The following RPS29 variants were observed in gnomAD, a reference collection of about 807,000 sequenced individuals.
RPS29 encodes ribosomal protein S29, also known as small ribosomal subunit protein uS14.
For missense variants in RPS29, 60 were observed against 75.7 expected, an observed-to-expected ratio of 0.79 and a Z score of 0.77; for synonymous variants, 37 against 26.9, an observed-to-expected ratio of 1.37 and a Z score of -1.16.
At chr14:49,581,996 G>A (rs1881349243), downstream of RPS29, among the ~76,000 whole-genome samples, 1 of 114,226 alleles carries the variant, frequency 8.8e-6, no homozygotes. Flanking sequence ...GGGTGATAGA[G>A]CAAGACCCTG....
At chr14:49,581,064 G>A (rs894854734), downstream of RPS29, among the ~76,000 whole-genome samples, 1 of 151,890 alleles carries the variant, frequency 6.6e-6, no homozygotes, top group Non-Finnish European at 1.5e-5. Context: ...GCGCATGCCT[G>A]TAATCCCAGC....
chr14:49,581,573 C>T (rs565590230), downstream of RPS29, among the ~76,000 whole-genome samples: 3 of 152,166 alleles, frequency 2.0e-5, no homozygotes, highest in East Asian at 1.9e-4. Flanking sequence ...AGTAGCTAGG[C>T]GTGCACAACC....
chr14:49,596,499 C>T (rs1433037166), intron 1 of RPS29, among the ~76,000 whole-genome samples: 1 of 152,064 alleles, frequency 6.6e-6, no homozygotes, highest in African/African-American at 2.4e-5. Flanking sequence ...GTGTCACATC[C>T]AAGTATTTAA....
intron 1 of RPS29, 49 bp downstream of exon 1, chr14:49,586,236 C>T: frequency 6.3e-7 from 1 of 1,582,384 alleles, no homozygotes; most frequent in Non-Finnish European, 8.7e-7. Context: ...TTTTAAGCAG[C>T]CTAGCGCTCC....
chr14:49,591,549 T>G (rs1341154409), intron 1 of RPS29, among the ~76,000 whole-genome samples: 1 of 151,494 alleles, frequency 6.6e-6, no homozygotes, highest in Non-Finnish European at 1.5e-5. Flanking sequence ...TGACCTCAGG[T>G]AATCCACCCG....
rs1804416 is a variant in RPS29, at chr14:49,583,637, G to T, written c.*30C>A. 6.3e-7 allele frequency: 1 copy of T among 1,578,986 alleles called. No homozygotes were observed. Among genetic ancestry groups the T allele is most frequent in the South Asian group, 1.2e-5 (1 of 84,978 alleles). On this transcript the variant is annotated 3_prime_UTR_variant, in exon 3 of 3. Transcript: ENST00000245458. ...TATCATGGTTTTTCATTGAGTAGAT[G>T]CCCCGGATAATCCTCTGAAGGAAGA... is the stretch of plus-strand genomic sequence containing the variant.
intron 1 of RPS29, chr14:49,597,668 T>TTG (rs933687294): frequency 3.3e-5 from 5 of 151,862 alleles, no homozygotes; most frequent in Admixed American, 2.6e-4. Flanking sequence ...TCTTTTTTTT[T>TTG]TTTGAGACGG....
At chr14:49,579,855 C>A (rs538135230), downstream of RPS29, among the ~76,000 whole-genome samples, 4 of 152,222 alleles carry the variant, frequency 2.6e-5, no homozygotes, top group Non-Finnish European at 4.4e-5. Context: ...TGATTTCAGA[C>A]AGACCCAGTT....
chr14:49,588,863 C>A (rs1448692837), upstream of RPS29, among the ~76,000 whole-genome samples: 1 of 136,154 alleles, frequency 7.3e-6, no homozygotes, highest in Non-Finnish European at 1.6e-5. Context: ...AGTCTTCTTA[C>A]AGTTTCTGAG....
At chr14:49,587,774 G>A (rs1008719043), upstream of RPS29, among the ~76,000 whole-genome samples, 4 of 152,166 alleles carry the variant, frequency 2.6e-5, no homozygotes, top group African/African-American at 9.7e-5. Flanking sequence ...AGTACGAAAG[G>A]AGCCAAGAAG....
chr14:49,587,233 A>C (rs1250499040), upstream of RPS29, among the ~76,000 whole-genome samples: 1 of 152,262 alleles, frequency 6.6e-6, no homozygotes, highest in African/African-American at 2.4e-5. Flanking sequence ...CTGAATGTAA[A>C]GTAATAAACA....
At chr14:49,571,762 A>G (rs1881062770) in exon 3 of RPS29, 2 of 152,376 alleles carry the variant, frequency 1.3e-5, no homozygotes, top group Admixed American at 1.3e-4. Context: ...AATGCAGGAC[A>G]TGAAAGCTTC....
chr14:49,578,633 T>C (rs1212770027), downstream of RPS29, among the ~76,000 whole-genome samples: 1 of 149,378 alleles, frequency 6.7e-6, no homozygotes, highest in African/African-American at 2.5e-5. Flanking sequence ...TGATCTCGAT[T>C]CACTGCAACC....
intron 1 of RPS29, chr14:49,592,220 T>A (rs1045104876): frequency 2.0e-5 from 3 of 152,110 alleles, no homozygotes; most frequent in Non-Finnish European, 1.5e-5. Context: ...AAAAAGTTTT[T>A]TTTTTTATTT....
intron 2 of RPS29, chr14:49,585,505 A>G (rs770059458): frequency 5.2e-4 from 113 of 219,392 alleles, no homozygotes; most frequent in Admixed American, 2.8e-4. Context: ...GCCTGAGACC[A>G]GGAGGAGTTC....
At chr14:49,598,605 T>C in exon 1 of RPS29, 1 of 701,680 alleles carries the variant, frequency 1.4e-6, no homozygotes. Context: ...GAGGCACACC[T>C]GCCTTCCCTC....
exon 1 of RPS29, chr14:49,598,564 G>GA (rs1881893490): frequency 2.8e-6 from 2 of 702,204 alleles, no homozygotes; most frequent in African/African-American, 3.5e-5. Context: ...GGGCCACTCA[G>GA]ACAGTTCTAA....
rs747830198 is a variant in RPS29 at position 49,583,692 on chromosome 14, A to G, written c.163-17T>C. Reference sequence around the variant, plus strand: ...TTAGTCCAACTGAAAAAAAAAAAGCAGATGATTTATTTCAAAATGCTTTAA... The same window carrying G: ...TTAGTCCAACTGAAAAAAAAAAAGCGGATGATTTATTTCAAAATGCTTTAA... On this transcript the variant is annotated splice_polypyrimidine_tract_variant and intron_variant, in intron 2 of 2. Coordinates refer to ENST00000245458, the MANE Select transcript of RPS29 (RefSeq NM_001032.5). 8.0e-5 allele frequency: 111 copies of G among 1,385,562 alleles called. No homozygotes were observed. Among genetic ancestry groups the G allele is most frequent in the Admixed American group, 3.3e-4 (18 of 55,352 alleles). 85.8% of individuals were successfully genotyped at this position (1,385,562 alleles called of 1,614,324 possible).
chr14:49,583,083 T>C (rs1881390397), downstream of RPS29, among the ~76,000 whole-genome samples: 1 of 152,094 alleles, frequency 6.6e-6, no homozygotes, highest in Non-Finnish European at 1.5e-5. Context: ...AAGCAATCCT[T>C]CCACTCTGAC....
Sources: gnomAD v4.1 joint callset for allele counts (sites outside exome capture counted in the v4.1 genomes callset) on GRCh38, gnomAD v4.1.1 for gene constraint, MANE v1.5 for transcripts, NCBI Gene and HGNC (gene_info 2026-07-23, HGNC 2026-07-21) for gene names.